LARGE1: variants seen among roughly 807,000 people sequenced by gnomAD.
LARGE1 encodes the protein LARGE xylosyl- and glucuronyltransferase 1.
LARGE1 carries 43 observed loss-of-function variants against 87.6 expected under a neutral mutation model. The observed-to-expected ratio is 0.49, with a 90% confidence interval of 0.38 to 0.63. The LOEUF (loss-of-function observed/expected upper bound fraction) is 0.63, where lower values mean the gene tolerates loss of function less well. Ranked by LOEUF, LARGE1 falls within the 30% of genes least tolerant of loss-of-function variation. LARGE1 has a pLI of 0.00. For missense variants in LARGE1, 802 were observed against 1,000.2 expected, an observed-to-expected ratio of 0.80 and a Z score of 2.67; for synonymous variants, 434 against 394.6, an observed-to-expected ratio of 1.10 and a Z score of -1.18.
intron 7 of LARGE1, among the ~76,000 whole-genome samples, chr22:33,417,208 CTTTT>C (rs1021450603): frequency 1.3e-5 from 2 of 152,132 alleles, no homozygotes; most frequent in Non-Finnish European, 1.5e-5. Context: ...CCCAGCCTTT[CTTTT>C]TAATTTCTAC....
intron 1 of LARGE1, among the ~76,000 whole-genome samples, chr22:33,874,526 A>G (rs551383829): frequency 6.6e-6 from 1 of 152,224 alleles, no homozygotes; most frequent in Admixed American, 6.5e-5. Flanking sequence ...TGGATTATAA[A>G]ATAGAGTATT....
intron 4 of LARGE1, among the ~76,000 whole-genome samples, chr22:33,618,691 G>A (rs1040266645): frequency 1.3e-5 from 2 of 152,238 alleles, no homozygotes; most frequent in Admixed American, 6.5e-5. Flanking sequence ...TGGAAGGGGT[G>A]AGAATTGATA....
intron 6 of LARGE1, among the ~76,000 whole-genome samples, chr22:33,522,836 G>GAA (rs928190742): frequency 7.5e-6 from 1 of 133,644 alleles, no homozygotes; most frequent in Non-Finnish European, 1.6e-5. Flanking sequence ...CTAAAAAAAA[G>GAA]AAAAAAAAAA....
intron 10 of LARGE1, among the ~76,000 whole-genome samples, chr22:33,334,358 C>T (rs568136739): frequency 5.5e-4 from 79 of 142,470 alleles, no homozygotes; most frequent in African/African-American, 1.8e-3. Flanking sequence ...TTACAGTGAG[C>T]TGAGATCGCG....
intron 11 of LARGE1, among the ~76,000 whole-genome samples, chr22:33,311,563 T>G (rs2146255517): frequency 1.3e-5 from 2 of 152,338 alleles, no homozygotes; most frequent in South Asian, 4.1e-4. Flanking sequence ...CAGACAATAA[T>G]CAGTGAATCT....
intron 1 of LARGE1, among the ~76,000 whole-genome samples, chr22:33,799,568 G>A (rs2146060812): frequency 6.6e-6 from 1 of 152,186 alleles, no homozygotes; most frequent in East Asian, 1.9e-4. Context: ...AGCTGCCCAG[G>A]TAGCTGGGAT....
chr22:33,488,285 C>A (rs1352626097), intron 6 of LARGE1, among the ~76,000 whole-genome samples: 1 of 152,180 alleles, frequency 6.6e-6, no homozygotes, highest in African/African-American at 2.4e-5. Flanking sequence ...TAGTGGTTAC[C>A]ATACCAAAGA....
At chr22:33,451,947 GT>G (rs926295305) in intron 6 of LARGE1, among the ~76,000 whole-genome samples, 8 of 152,202 alleles carry the variant, frequency 5.3e-5, no homozygotes, top group Non-Finnish European at 1.2e-4. Flanking sequence ...CCACTCTTGA[GT>G]TACTTCACTG....
chr22:33,322,364 C>T (rs1318836592), intron 10 of LARGE1: 1 of 152,192 alleles, frequency 6.6e-6, no homozygotes, highest in Non-Finnish European at 1.5e-5. Context: ...CTTCTTTATA[C>T]TTTTCTGTAG....
chr22:33,617,697 C>T (rs2149039227), intron 4 of LARGE1, among the ~76,000 whole-genome samples: 1 of 152,280 alleles, frequency 6.6e-6, no homozygotes, highest in East Asian at 1.9e-4. Flanking sequence ...TTACTGCAAC[C>T]CACATATTGC....
chr22:33,338,604 T>C (rs1007313139), intron 9 of LARGE1, among the ~76,000 whole-genome samples: 3 of 152,226 alleles, frequency 2.0e-5, no homozygotes, highest in African/African-American at 7.2e-5. Flanking sequence ...GGACGTTGAA[T>C]GATACACTGT....
intron 11 of LARGE1, among the ~76,000 whole-genome samples, chr22:33,253,382 C>T (rs748080173): frequency 2.0e-5 from 3 of 152,240 alleles, no homozygotes; most frequent in South Asian, 2.1e-4. Flanking sequence ...GATGGAGGAA[C>T]GCCTCTGAGA....
At chr22:33,541,333 T>C (rs1254267368) in intron 6 of LARGE1, among the ~76,000 whole-genome samples, 1 of 149,666 alleles carries the variant, frequency 6.7e-6, no homozygotes, top group African/African-American at 2.5e-5. Context: ...CAAAGAAAAA[T>C]GGTTGTGATG....
At chr22:33,234,868 A>G (rs1926176338) in intron 11 of LARGE1, among the ~76,000 whole-genome samples, 1 of 151,606 alleles carries the variant, frequency 6.6e-6, no homozygotes, top group Non-Finnish European at 1.5e-5. Flanking sequence ...TATTAATTGT[A>G]TTTTTTAAAA....
Position 33,283,308 on chromosome 22 carries a change from C to T in LARGE1, c.1771G>A (p.Ala591Thr), listed in dbSNP as rs781040181. The change falls in exon 13 of 15, where the codon GCA becomes ACA. Residue 591 changes from alanine (A) to threonine (T), a missense_variant. Physicochemically the swap from Ala to Thr is moderately conservative, Grantham distance 58. Around this residue, in one of 2 missense-constraint regions of LARGE1, gnomAD observed 625 missense variants for 841.9 expected, o/e 0.74. Transcript: ENST00000397394. ...IQLDLANTKK[A>T]MIVPAFETLR... Reference sequence around the variant, plus strand: ...GTCTCGAACGCGGGGACAATCATTGCTTTCTTGGTGTTGGCAAGATCGAGC... The same window carrying T: ...GTCTCGAACGCGGGGACAATCATTGTTTTCTTGGTGTTGGCAAGATCGAGC... 6 of 1,614,016 alleles carry T rather than the reference C, an allele frequency of 3.7e-6. No homozygotes were observed. Among genetic ancestry groups the T allele is most frequent in the Non-Finnish European group, 5.1e-6 (6 of 1,180,032 alleles).
intron 1 of LARGE1, among the ~76,000 whole-genome samples, chr22:33,777,658 G>T (rs1311310167): frequency 2.1e-4 from 26 of 123,770 alleles, no homozygotes; most frequent in Non-Finnish European, 2.3e-4. Flanking sequence ...GAGGGGGAGG[G>T]GGAGGGGAAG....
intron 6 of LARGE1, among the ~76,000 whole-genome samples, chr22:33,510,232 T>G (rs2070991016): frequency 6.6e-6 from 1 of 152,192 alleles, no homozygotes; most frequent in African/African-American, 2.4e-5. Flanking sequence ...TGCAGCCACC[T>G]TGTAAGGGGG....
chr22:33,672,489 C>A (rs2081446065), intron 2 of LARGE1, among the ~76,000 whole-genome samples: 1 of 152,202 alleles, frequency 6.6e-6, no homozygotes, highest in Non-Finnish European at 1.5e-5. Flanking sequence ...CAGCCCTGCT[C>A]TCCTGTTCTT....
intron 7 of LARGE1, among the ~76,000 whole-genome samples, chr22:33,408,385 G>A (rs1473789573): frequency 2.0e-5 from 3 of 152,198 alleles, no homozygotes; most frequent in South Asian, 4.1e-4. Flanking sequence ...ACACTGGTCC[G>A]AGGTTGGAGA....
Sources: gnomAD v4.1 joint callset for allele counts (sites outside exome capture counted in the v4.1 genomes callset) on GRCh38, gnomAD v4.1.1 for gene constraint, gnomAD v4.1.1 regional missense constraint, MANE v1.5 for transcripts, NCBI Gene and HGNC (gene_info 2026-07-23, HGNC 2026-07-21) for gene names.